Variants in ARID5B observed in about 807,000 individuals in gnomAD.
The protein encoded by ARID5B is AT-rich interaction domain 5B, also known as AT-rich interactive domain-containing protein 5B.
Under a neutral mutation model 97.2 loss-of-function variants are expected in ARID5B, and 13 were observed. That is an observed-to-expected ratio of 0.13 (90% CI 0.09 to 0.21). The LOEUF (loss-of-function observed/expected upper bound fraction) is 0.21, where lower values mean the gene tolerates loss of function less well. Among genes scored for constraint, ARID5B ranks in the 10% least tolerant of loss-of-function variants. The pLI is 1.00. For missense variants in ARID5B, 1,210 were observed against 1,465.3 expected, an observed-to-expected ratio of 0.83 and a Z score of 2.84; for synonymous variants, 556 against 570.3, an observed-to-expected ratio of 0.97 and a Z score of 0.36.
chr10:61,903,603 T>A (rs1341917284), intron 2 of ARID5B, among the ~76,000 whole-genome samples: 3 of 152,254 alleles, frequency 2.0e-5, no homozygotes, highest in Admixed American at 2.0e-4. Flanking sequence ...CAGCTAGTGC[T>A]GTGCCAGGCT....
At chr10:62,014,088 A>C (rs531830011) in intron 4 of ARID5B, among the ~76,000 whole-genome samples, 1 of 152,258 alleles carries the variant, frequency 6.6e-6, no homozygotes, top group African/African-American at 2.4e-5. Flanking sequence ...TCTCTTCGAC[A>C]TATTGATTTC....
At chr10:62,028,218 AAG>A (rs1249490817) in intron 4 of ARID5B, among the ~76,000 whole-genome samples, 3 of 152,226 alleles carry the variant, frequency 2.0e-5, no homozygotes, top group African/African-American at 7.2e-5. Flanking sequence ...TAGGAATGAG[AAG>A]AGTTTCCTTT....
chr10:62,083,449 AG>A (rs1273548279), intron 8 of ARID5B, among the ~76,000 whole-genome samples: 1 of 152,078 alleles, frequency 6.6e-6, no homozygotes, highest in Non-Finnish European at 1.5e-5. Flanking sequence ...ACCCAGAGTG[AG>A]GGGTCCTTGG....
At chr10:62,037,975 G>A (rs182612563) in intron 4 of ARID5B, among the ~76,000 whole-genome samples, 17 of 152,288 alleles carry the variant, frequency 1.1e-4, no homozygotes, top group Admixed American at 1.0e-3. Context: ...GCTGGTTGGA[G>A]GAGTGGCTTT....
chr10:62,072,270 G>C (rs960358553), intron 8 of ARID5B, among the ~76,000 whole-genome samples: 4 of 152,180 alleles, frequency 2.6e-5, no homozygotes, highest in African/African-American at 9.7e-5. Context: ...GAAACTGCTG[G>C]GGGACTGTTG....
intron 4 of ARID5B, among the ~76,000 whole-genome samples, chr10:62,034,688 A>C (rs1184121625): frequency 6.6e-6 from 1 of 152,234 alleles, no homozygotes; most frequent in Non-Finnish European, 1.5e-5. Flanking sequence ...TAAAAGCATT[A>C]TTTATGAAAT....
At chr10:62,048,320 T>C (rs1290804217) in intron 4 of ARID5B, among the ~76,000 whole-genome samples, 2 of 152,156 alleles carry the variant, frequency 1.3e-5, no homozygotes. Context: ...CCTTAAGGAT[T>C]CTCCAGTCTG....
chr10:62,071,412 G>A (rs929803392), intron 8 of ARID5B, among the ~76,000 whole-genome samples: 4 of 152,060 alleles, frequency 2.6e-5, no homozygotes, highest in African/African-American at 9.7e-5. Flanking sequence ...TCCTTTATAT[G>A]CAAATGCCCT....
At chr10:62,045,854 A>G (rs550632670) in intron 4 of ARID5B, among the ~76,000 whole-genome samples, 3 of 152,324 alleles carry the variant, frequency 2.0e-5, no homozygotes, top group Middle Eastern at 3.4e-3. Context: ...CTTCCCTAAT[A>G]CTGTGATCAG....
At chr10:61,936,899 A>T (rs191860004) in intron 2 of ARID5B, among the ~76,000 whole-genome samples, 56 of 151,854 alleles carry the variant, frequency 3.7e-4, no homozygotes, top group Non-Finnish European at 7.1e-4. Context: ...AAGGAGGCTG[A>T]AGAAGTTGCT....
chr10:62,010,441 T>G (rs1215836693), intron 4 of ARID5B, among the ~76,000 whole-genome samples: 5 of 152,204 alleles, frequency 3.3e-5, no homozygotes, highest in African/African-American at 9.7e-5. Context: ...AGAATCAACA[T>G]GTTTGTTGAA....
At chr10:62,074,611 C>T (rs559669661) in intron 8 of ARID5B, among the ~76,000 whole-genome samples, 3 of 152,298 alleles carry the variant, frequency 2.0e-5, no homozygotes, top group African/African-American at 7.2e-5. Context: ...TGGATAAAGG[C>T]TGGGGAAGGA....
At chr10:62,026,312 T>C (rs964265807) in intron 4 of ARID5B, among the ~76,000 whole-genome samples, 1 of 152,222 alleles carries the variant, frequency 6.6e-6, no homozygotes, top group African/African-American at 2.4e-5. Context: ...ATATGTGTGG[T>C]GTGGGCAATG....
At chr10:61,944,246 A>G (rs1307047626) in intron 3 of ARID5B, among the ~76,000 whole-genome samples, 2 of 152,364 alleles carry the variant, frequency 1.3e-5, no homozygotes, top group East Asian at 1.9e-4. Flanking sequence ...ATTCATAAGC[A>G]TAATGAACAC....
At chr10:61,930,725 A>ATAAATAAATAAATAAG (rs1434865344) in intron 2 of ARID5B, among the ~76,000 whole-genome samples, 2 of 150,408 alleles carry the variant, frequency 1.3e-5, no homozygotes, top group African/African-American at 2.4e-5. Flanking sequence ...GCCTCAAAAA[A>ATAAATAAATAAATAAG]TAAATAAATA....
chr10:62,093,146 C>G lies in ARID5B; in HGVS notation c.*116C>G, dbSNP rs929790789. On this transcript the variant is annotated 3_prime_UTR_variant, in exon 10 of 10. Transcript: ENST00000279873. ...ATTTCTTCTAATCTGAGGCTATGATCAGTCCCAGCTGTAGGGGCCCAGAGG... is the reference window on the plus strand; with the variant it reads ...ATTTCTTCTAATCTGAGGCTATGATGAGTCCCAGCTGTAGGGGCCCAGAGG... The G allele has an allele frequency of 2.1e-6, 3 of 1,451,206 alleles. No individual in the cohort carries two copies. In the African/African-American group the frequency reaches 4.3e-5, roughly 21 times the overall value. 89.9% of individuals were successfully genotyped at this position (1,451,206 alleles called of 1,614,324 possible).
At chr10:62,066,282 A>G (rs138065131) in intron 7 of ARID5B, among the ~76,000 whole-genome samples, 116 of 152,326 alleles carry the variant, frequency 7.6e-4, no homozygotes, top group African/African-American at 2.7e-3. Context: ...TTCTTCCTCT[A>G]GAGTCCATGG....
intron 3 of ARID5B, among the ~76,000 whole-genome samples, chr10:61,991,076 A>T (rs951219852): frequency 5.3e-5 from 8 of 151,420 alleles, no homozygotes; most frequent in African/African-American, 1.7e-4. Context: ...ACACACACCA[A>T]ATTTTGTTAT....
chr10:62,004,353 A>G (rs1169459171), intron 4 of ARID5B, among the ~76,000 whole-genome samples: 4 of 152,204 alleles, frequency 2.6e-5, no homozygotes, highest in Non-Finnish European at 4.4e-5. Context: ...CTTAAAGGCA[A>G]TATGCTCTTT....
Sources: allele counts gnomAD v4.1 joint callset (sites outside exome capture counted in the v4.1 genomes callset), GRCh38; gene constraint gnomAD v4.1.1; transcripts MANE v1.5; gene names NCBI Gene and HGNC (gene_info 2026-07-23, HGNC 2026-07-21).